Variants in EMID1 observed in about 807,000 individuals in gnomAD.
The protein encoded by EMID1 is EMI domain-containing protein 1.
Under a neutral mutation model 60.6 loss-of-function variants are expected in EMID1, and 40 were observed. The observed-to-expected ratio is 0.66, with a 90% CI of 0.51 to 0.86. The LOEUF is 0.86. Among genes scored for constraint, EMID1 ranks in the 40% least tolerant of loss-of-function variants. EMID1 has a pLI of 0.00. For missense variants in EMID1, 585 were observed against 597.1 expected (o/e 0.98, Z 0.21); for synonymous variants, 242 against 231.0 (o/e 1.05, Z -0.43).
At chr22:29,241,445 A>G (rs953120297) in intron 12 of EMID1, among the ~76,000 whole-genome samples, 3 of 152,036 alleles carry the variant, frequency 2.0e-5, no homozygotes, top group African/African-American at 4.8e-5. Flanking sequence ...CTGGAGTGCA[A>G]TGGTGTGATC....
chr22:29,219,099 A>C (rs2040194087), intron 3 of EMID1, among the ~76,000 whole-genome samples: 1 of 152,172 alleles, frequency 6.6e-6, no homozygotes, highest in African/African-American at 2.4e-5. Context: ...AGGCTCAGAG[A>C]GGGGAATGCC....
intron 10 of EMID1, chr22:29,233,898 A>G (rs561318086): frequency 1.5e-6 from 1 of 665,120 alleles, no homozygotes; most frequent in Non-Finnish European, 2.5e-6. Context: ...ACCTAAGACC[A>G]AGAAAAGTAG....
intron 14 of EMID1, among the ~76,000 whole-genome samples, chr22:29,256,336 G>T (rs984730223): frequency 3.3e-5 from 5 of 151,718 alleles, no homozygotes; most frequent in Admixed American, 6.6e-5. Context: ...GTGGTGGCGG[G>T]CACCCGTAAT....
At chr22:29,233,719 A>C (rs1379480725) in intron 10 of EMID1, 53 bp downstream of exon 10, 2 of 1,533,580 alleles carry the variant, frequency 1.3e-6, no homozygotes, top group African/African-American at 2.7e-5. Flanking sequence ...CTTTCCATCT[A>C]TGCATACATC....
In EMID1 at chr22:29,233,450, G is replaced by A. The variant is rs367922215; in HGVS notation, c.895G>A (p.Gly299Ser). The change falls in exon 9 of 15, where the codon GGC becomes AGC. Residue 299 changes from glycine (G) to serine (S), a missense_variant. Physicochemically the swap from Gly to Ser is moderately conservative, Grantham distance 56 (BLOSUM62 0). Transcript: ENST00000334018. Reference sequence around the variant, plus strand: ...GCCCCAGGGACCCACTGGGCCTCCAGGCCCTCCAGGGCCCATGGGTAAGTT... The same window carrying A: ...GCCCCAGGGACCCACTGGGCCTCCAAGCCCTCCAGGGCCCATGGGTAAGTT... ...HWPQGPTGPPGPPGPMGPPGP... is the reference protein window; with the variant it reads ...HWPQGPTGPPSPPGPMGPPGP... The A allele has an allele frequency of 4.3e-5, 69 of 1,614,106 alleles. No individual in the cohort carries two copies. The highest frequency in any genetic ancestry group is 5.6e-5 in the Non-Finnish European group (66 of 1,180,028).
At chr22:29,245,723 G>C (rs939857128) in intron 13 of EMID1, among the ~76,000 whole-genome samples, 5 of 152,172 alleles carry the variant, frequency 3.3e-5, no homozygotes, top group Non-Finnish European at 7.3e-5. Flanking sequence ...GACACCTGGT[G>C]GTCATGATAG....
chr22:29,256,179 TAA>T (rs1437533362), intron 14 of EMID1, among the ~76,000 whole-genome samples: 1 of 152,024 alleles, frequency 6.6e-6, no homozygotes, highest in African/African-American at 2.4e-5. Flanking sequence ...GCATCTATTT[TAA>T]AGACTGAGAG....
At chr22:29,224,828 C>T (rs1360252246) in intron 3 of EMID1, among the ~76,000 whole-genome samples, 1 of 152,178 alleles carries the variant, frequency 6.6e-6, no homozygotes, top group Non-Finnish European at 1.5e-5. Flanking sequence ...GGGCTCGGAC[C>T]CAGGCTTGTC....
chr22:29,233,194 G>C, intron 8 of EMID1, 185 bp from the exon 9 acceptor site: 1 of 654,714 alleles, frequency 1.5e-6, no homozygotes, highest in Non-Finnish European at 2.7e-6. Flanking sequence ...ACATCTCCCT[G>C]CCTCCTGGTC....
At chr22:29,235,053 G>A (rs769333364) in intron 12 of EMID1, among the ~76,000 whole-genome samples, 6 of 151,950 alleles carry the variant, frequency 3.9e-5, no homozygotes, top group Non-Finnish European at 5.9e-5. Flanking sequence ...TTTATTAAAT[G>A]TAAGAAAGTG....
chr22:29,225,354 C>T (rs2040464284), intron 4 of EMID1, 138 bp downstream of exon 4: 3 of 888,836 alleles, frequency 3.4e-6, no homozygotes, highest in African/African-American at 1.7e-5. Context: ...CTTCCCACCC[C>T]ATGCTCCCCA....
At chr22:29,211,654 G>A (rs748980920) in intron 1 of EMID1, among the ~76,000 whole-genome samples, 7 of 152,216 alleles carry the variant, frequency 4.6e-5, no homozygotes, top group Non-Finnish European at 7.3e-5. Flanking sequence ...ATGTGTGTGC[G>A]TGCATTTGCG....
chr22:29,233,783 T>A (rs770592283), intron 10 of EMID1, 117 bp downstream of exon 10: 24 of 995,494 alleles, frequency 2.4e-5, no homozygotes, highest in Non-Finnish European at 3.3e-5. Context: ...CATCCATTCA[T>A]CCTTCCATTC....
rs1252903296 is a variant in EMID1 at position 29,237,428 on chromosome 22, A to G, written c.1074+3079A>G. The stretch of plus-strand genomic sequence containing the variant: ...ACTCCTGACCTCAGGTGATCCACCC[A>G]CCTCAGCCTCCCAGAGTGCTGGGGT... On this transcript the variant is annotated intron_variant, in intron 12 of 14. Transcript: ENST00000334018. Among the ~76,000 whole-genome samples the G allele has an allele frequency of 2.8e-5, 4 of 142,492 alleles. 1 individual carries two copies. In the South Asian group the frequency reaches 6.9e-4, roughly 25 times the overall value. 93.5% of individuals were successfully genotyped at this position (142,492 alleles called of 152,430 possible).
At chr22:29,233,750 A>C in intron 10 of EMID1, 84 bp downstream of exon 10, 1 of 1,286,452 alleles carries the variant, frequency 7.8e-7, no homozygotes, top group Non-Finnish European at 1.1e-6. Context: ...TCCATCATCC[A>C]CCCTTGTATC....
intron 13 of EMID1, among the ~76,000 whole-genome samples, chr22:29,246,076 C>T (rs1182394233): frequency 6.6e-6 from 1 of 152,244 alleles, no homozygotes; most frequent in Non-Finnish European, 1.5e-5. Context: ...ACTTTAGCAT[C>T]CTCCCGGAGG....
At chr22:29,228,654 C>T (rs1038677944) in intron 5 of EMID1, among the ~76,000 whole-genome samples, 4 of 152,172 alleles carry the variant, frequency 2.6e-5, no homozygotes, top group African/African-American at 9.7e-5. Flanking sequence ...TGCAATCTGC[C>T]GTGAGTTGGA....
At chr22:29,252,285 C>T (rs8139265) in intron 13 of EMID1, among the ~76,000 whole-genome samples, 6,034 of 152,318 alleles carry the variant, frequency 0.04, 248 homozygotes, top group East Asian at 0.14. Context: ...CCCCAGCGAG[C>T]AGGCTCACTC....
intron 1 of EMID1, among the ~76,000 whole-genome samples, chr22:29,213,624 C>T (rs2039975450): frequency 2.0e-5 from 3 of 152,144 alleles, no homozygotes; most frequent in South Asian, 2.1e-4. Context: ...CTGTGAAGGC[C>T]GGGACATTCC....
Sources: gnomAD v4.1 joint callset for allele counts (sites outside exome capture counted in the v4.1 genomes callset) on GRCh38, gnomAD v4.1.1 for gene constraint, MANE v1.5 for transcripts, NCBI Gene and HGNC (gene_info 2026-07-23, HGNC 2026-07-21) for gene names.